ZFHX3: variants seen among roughly 807,000 people sequenced by gnomAD.
ZFHX3 encodes the protein zinc finger homeobox 3.
Under a neutral mutation model 279.1 loss-of-function variants are expected in ZFHX3, and 42 were observed. The observed-to-expected ratio is 0.15, with a 90% CI of 0.12 to 0.19. ZFHX3 has a LOEUF of 0.19. ZFHX3 is among the 10% of genes least tolerant of loss of function. ZFHX3 has a pLI of 1.00. For synonymous variants in ZFHX3, 2,293 were observed against 1,957.8 expected, an observed-to-expected ratio of 1.17 and a Z score of -4.52; for missense variants, 4,981 against 4,754.0, an observed-to-expected ratio of 1.05 and a Z score of -1.40.
At chr16:73,292,991 G>T (rs996051895) in intron 4 of ZFHX3, among the ~76,000 whole-genome samples, 1 of 152,188 alleles carries the variant, frequency 6.6e-6, no homozygotes, top group South Asian at 2.1e-4. Context: ...CATCTACCAT[G>T]GAGGCAAGTG....
rs1249767040 is a variant in ZFHX3, at chr16:73,767,964, C to T, written c.-1607-87724G>A. ...GGTGAAGCACCTTAATGCTAGCAAA[C>T]GTAGGGAGCTTTTACATCCCTAGAT... On this transcript the variant is annotated intron_variant, in intron 1 of 17. Coordinates refer to the ZFHX3 transcript ENST00000641206. Among the ~76,000 whole-genome samples the T allele has an allele frequency of 2.6e-5, 4 of 152,268 alleles. No individual in the cohort carries two copies. In the South Asian group the frequency reaches 6.2e-4, roughly 24 times the overall value.
chr16:72,907,543 A>G (rs1296898869), intron 3 of ZFHX3, among the ~76,000 whole-genome samples: 29 of 80,078 alleles, frequency 3.6e-4, no homozygotes, highest in African/African-American at 1.6e-3. Context: ...GGTTTCCTCT[A>G]TTTGTGTGTG....
chr16:73,320,860 G>C (rs754772142), intron 3 of ZFHX3, among the ~76,000 whole-genome samples: 3 of 152,146 alleles, frequency 2.0e-5, no homozygotes, highest in Non-Finnish European at 4.4e-5. Context: ...CTTCACACCG[G>C]CAAATGTCTC....
Position 73,762,616 on chromosome 16 carries a change from T to C in ZFHX3, c.-1607-82376A>G, listed in dbSNP as rs371890903. Among the ~76,000 whole-genome samples the C allele has an allele frequency of 3.3e-5, 5 of 152,164 alleles. No individual in the cohort carries two copies. The East Asian group carries it at 7.7e-4, about 23-fold the overall frequency. ...GACAGACTGGATAAAGAAAATGTAG[T>C]ACATATATACCATGGAATACTATGC... On this transcript the variant is annotated intron_variant, in intron 1 of 17. Transcript: ENST00000641206.
intron 5 of ZFHX3, among the ~76,000 whole-genome samples, chr16:73,153,761 T>C (rs866055209): frequency 6.6e-6 from 1 of 152,142 alleles, no homozygotes; most frequent in Non-Finnish European, 1.5e-5. Context: ...GCAGTTCTCC[T>C]GCCTCAGCCT....
At chr16:73,054,179 A>G (rs1567652333) in intron 1 of ZFHX3, among the ~76,000 whole-genome samples, 1 of 152,228 alleles carries the variant, frequency 6.6e-6, no homozygotes, top group Admixed American at 6.5e-5. Flanking sequence ...GTTTCACTTA[A>G]TACAAGGCCA....
chr16:73,613,305 G>A (rs1177912830), intron 2 of ZFHX3, among the ~76,000 whole-genome samples: 1 of 152,094 alleles, frequency 6.6e-6, no homozygotes, highest in Non-Finnish European at 1.5e-5. Context: ...ATCCACCCAG[G>A]GCCCCCACTC....
chr16:72,804,339 T>C (rs1402036786), intron 7 of ZFHX3, among the ~76,000 whole-genome samples: 1 of 152,206 alleles, frequency 6.6e-6, no homozygotes, highest in East Asian at 1.9e-4. Context: ...AGTTCCTGTC[T>C]CCAAAAGGCT....
rs897101590 is a variant in ZFHX3 at position 72,783,828 on chromosome 16, T to C, written c.*3336A>G. 4 of 152,212 alleles carry C rather than the reference T, an allele frequency of 2.6e-5. No individual in the cohort carries two copies. The highest frequency in any genetic ancestry group is 9.6e-5 in the African/African-American group (4 of 41,458). 9.4% of individuals were successfully genotyped at this position (152,212 alleles called of 1,614,324 possible). On this transcript the variant is annotated 3_prime_UTR_variant, in exon 10 of 10. Transcript: ENST00000268489. ...CTACAATGCAGCAGACAGGAATAAA[T>C]TCCCCAAGTGAGATAAAGCTAAACA... is the stretch of plus-strand genomic sequence containing the variant.
rs376689977 is a variant in ZFHX3, at chr16:72,795,062, C to T, written c.7620G>A (p.Pro2540=). ...YQCDQCKLAF[P]SFEHWQEHQQ... ...GATGCTCCTGCCAGTGCTCAAATGACGGAAATGCCAACTTACACTGGTCAC... is the reference window on the plus strand; with the variant it reads ...GATGCTCCTGCCAGTGCTCAAATGATGGAAATGCCAACTTACACTGGTCAC... Residue 2540 remains proline, a synonymous_variant, in exon 9 of 10, where the codon CCG becomes CCA. Transcript: ENST00000268489. 21 of 1,613,964 alleles carry T rather than the reference C, an allele frequency of 1.3e-5. No individual in the cohort carries two copies. The highest frequency in any genetic ancestry group is 6.7e-5 in the East Asian group (3 of 44,862).
At chr16:73,245,319 G>C (rs1020328356) in intron 5 of ZFHX3, among the ~76,000 whole-genome samples, 2 of 152,072 alleles carry the variant, frequency 1.3e-5, no homozygotes, top group African/African-American at 4.8e-5. Flanking sequence ...ACCCAGGCTG[G>C]AGTTCAGTTG....
At chr16:72,930,853 A>T (rs987553240) in intron 3 of ZFHX3, among the ~76,000 whole-genome samples, 6 of 152,198 alleles carry the variant, frequency 3.9e-5, no homozygotes, top group African/African-American at 1.4e-4. Flanking sequence ...TAAAATGTAA[A>T]ATGTGGTACA....
chr16:73,174,737 G>T (rs1161445327), intron 5 of ZFHX3, among the ~76,000 whole-genome samples: 1 of 152,080 alleles, frequency 6.6e-6, no homozygotes, highest in East Asian at 1.9e-4. Context: ...CCAAATCAGG[G>T]CCGAGCACAG....
chr16:73,787,814 AGTGTGTGT>A (rs72236616), intron 1 of ZFHX3, among the ~76,000 whole-genome samples: 22 of 138,070 alleles, frequency 1.6e-4, no homozygotes, highest in Non-Finnish European at 2.6e-4. Flanking sequence ...GTTTTCTTAA[AGTGTGTGT>A]GTGTGTGTGT....
At position 73,187,319 on chromosome 16, in the gene ZFHX3, C is replaced by A. The variant is rs150840716; in HGVS notation, c.-1103-43488G>T. Among the ~76,000 whole-genome samples the A allele has an allele frequency of 4.3e-3, 648 of 151,588 alleles. 5 individuals carry two copies. Among genetic ancestry groups the A allele is most frequent in the African/African-American group, 0.015 (613 of 41,290 alleles). On this transcript the variant is annotated intron_variant, in intron 5 of 17. Coordinates refer to the ZFHX3 transcript ENST00000641206. ...CAAGCTGACATTTTCCTGTTCTGATCTTTTCTCAGATAGTAAAGAGGGATT... is the reference window on the plus strand; with the variant it reads ...CAAGCTGACATTTTCCTGTTCTGATATTTTCTCAGATAGTAAAGAGGGATT...
chr16:73,794,925 T>C (rs1474249170), intron 1 of ZFHX3, among the ~76,000 whole-genome samples: 1 of 152,208 alleles, frequency 6.6e-6, no homozygotes, highest in Non-Finnish European at 1.5e-5. Context: ...GATGCCTCTG[T>C]TCATTACCAT....
chr16:73,656,064 C>A (rs1267573293), intron 2 of ZFHX3, among the ~76,000 whole-genome samples: 1 of 152,208 alleles, frequency 6.6e-6, no homozygotes, highest in Non-Finnish European at 1.5e-5. Context: ...TATAGCTACT[C>A]AGTCACTTGA....
At chr16:73,572,178 A>AC (rs1359844524) in intron 2 of ZFHX3, among the ~76,000 whole-genome samples, 8 of 151,962 alleles carry the variant, frequency 5.3e-5, no homozygotes, top group African/African-American at 7.2e-5. Flanking sequence ...TAAAAAAAAA[A>AC]AAAAAAAACT....
chr16:73,310,683 T>C (rs1344665263), intron 4 of ZFHX3, among the ~76,000 whole-genome samples: 1 of 152,186 alleles, frequency 6.6e-6, no homozygotes, highest in African/African-American at 2.4e-5. Flanking sequence ...CAGAAACTGA[T>C]ATACACCAAG....
Sources: gnomAD v4.1 joint callset for allele counts (sites outside exome capture counted in the v4.1 genomes callset) on GRCh38, gnomAD v4.1.1 for gene constraint, MANE v1.5 for transcripts, NCBI Gene and HGNC (gene_info 2026-07-23, HGNC 2026-07-21) for gene names.